Variants in STK39 observed in about 807,000 individuals in gnomAD.
STK39 encodes serine/threonine kinase 39.
In STK39, 20 loss-of-function variants were observed where a neutral mutation model predicts 77.8. The observed-to-expected ratio is 0.26, with a 90% CI of 0.18 to 0.37. The LOEUF (loss-of-function observed/expected upper bound fraction) is 0.37. Among genes scored for constraint, STK39 ranks in the 10% least tolerant of loss-of-function variants. STK39 has a pLI of 1.00. For synonymous variants in STK39, 246 were observed against 234.1 expected (o/e 1.05, Z -0.47); for missense variants, 479 against 656.5 (o/e 0.73, Z 2.95).
chr2:168,118,225 T>C (rs1687308188), intron 10 of STK39, among the ~76,000 whole-genome samples: 1 of 152,078 alleles, frequency 6.6e-6, no homozygotes, highest in Admixed American at 6.6e-5. Flanking sequence ...AGCTAGCTCA[T>C]GCACGCAAGC....
At chr2:168,231,007 C>T (rs1690440573) in intron 1 of STK39, among the ~76,000 whole-genome samples, 1 of 152,196 alleles carries the variant, frequency 6.6e-6, no homozygotes, top group Non-Finnish European at 1.5e-5. Flanking sequence ...TCTCAGCTAC[C>T]ATCAGCTTTT....
rs189108422 is a variant in STK39 at position 167,964,793 on chromosome 2, A to G, written c.1499-67T>C. ...CCAATAACAGTGGATTTTCACATCAATGACTCAGAAAATTTGACTAATGAT... is the reference window on the plus strand; with the variant it reads ...CCAATAACAGTGGATTTTCACATCAGTGACTCAGAAAATTTGACTAATGAT... On this transcript the variant is annotated intron_variant, in intron 16 of 17. Transcript: ENST00000355999. The G allele has an allele frequency of 8.5e-5, 116 of 1,370,110 alleles. No homozygotes were observed. In the Admixed American group the frequency reaches 1.3e-3, roughly 15 times the overall value. 84.9% of individuals were successfully genotyped at this position (1,370,110 alleles called of 1,614,324 possible). A position where few individuals can be genotyped will look rare whatever the true frequency, so the allele number is the denominator to read the frequency against.
chr2:168,026,363 T>C (rs1402185793), intron 14 of STK39, among the ~76,000 whole-genome samples: 1 of 152,210 alleles, frequency 6.6e-6, no homozygotes, highest in African/African-American at 2.4e-5. Flanking sequence ...CAGAATCATA[T>C]AATTTTACAA....
At chr2:168,206,449 C>T (rs575637357) in intron 1 of STK39, among the ~76,000 whole-genome samples, 5 of 152,128 alleles carry the variant, frequency 3.3e-5, no homozygotes, top group South Asian at 2.1e-4. Flanking sequence ...TACAAGCGTC[C>T]GCCACCACAC....
chr2:168,247,346 G>GA lies in STK39; in HGVS notation c.89_90insT (p.Ala31ArgfsTer75). ...CTGCCGGGGCCGGCGCTGCTGTCGCGGCCGCCGGGGCCGCCGCCGCCGCCG... is the reference window on the plus strand; with the variant it reads ...CTGCCGGGGCCGGCGCTGCTGTCGCGAGCCGCCGGGGCCGCCGCCGCCGCCG... On this transcript the variant is annotated frameshift_variant, in exon 1 of 18. Coordinates refer to ENST00000355999, the MANE Select transcript of STK39 (RefSeq NM_013233.3). LOFTEE classifies it high-confidence loss of function. The GA allele has an allele frequency of 9.6e-7, 1 of 1,043,290 alleles. No individual in the cohort carries two copies. Among genetic ancestry groups the GA allele is most frequent in the Non-Finnish European group, 1.2e-6 (1 of 865,598 alleles). 64.6% of individuals were successfully genotyped at this position (1,043,290 alleles called of 1,614,324 possible).
chr2:168,034,731 T>C (rs1369477526), intron 14 of STK39, among the ~76,000 whole-genome samples: 1 of 152,214 alleles, frequency 6.6e-6, no homozygotes, highest in Non-Finnish European at 1.5e-5. Flanking sequence ...TGGCAACCAG[T>C]GACAGCACAG....
chr2:168,195,375 G>A (rs770054800), intron 1 of STK39, among the ~76,000 whole-genome samples: 17 of 152,152 alleles, frequency 1.1e-4, no homozygotes, highest in Non-Finnish European at 2.4e-4. Context: ...ACTCCAGCCT[G>A]GGCAACAGAG....
intron 14 of STK39, among the ~76,000 whole-genome samples, chr2:168,033,064 C>T (rs1233532752): frequency 6.6e-6 from 1 of 152,142 alleles, no homozygotes; most frequent in Non-Finnish European, 1.5e-5. Context: ...GAACCTGGCA[C>T]AGGTCTGCCA....
chr2:168,034,270 C>A (rs78750962), intron 14 of STK39, among the ~76,000 whole-genome samples: 5,114 of 152,216 alleles, frequency 0.034, 215 homozygotes, highest in East Asian at 0.2. Context: ...ATTGACTTAC[C>A]TTGATAATTG....
At chr2:168,079,010 C>T (rs2105411371) in intron 10 of STK39, among the ~76,000 whole-genome samples, 1 of 152,258 alleles carries the variant, frequency 6.6e-6, no homozygotes, top group South Asian at 2.1e-4. Context: ...ATTCCTGTTA[C>T]CAGGCATACT....
chr2:168,029,624 T>C (rs1684783719), intron 14 of STK39, among the ~76,000 whole-genome samples: 2 of 152,098 alleles, frequency 1.3e-5, no homozygotes, highest in African/African-American at 4.8e-5. Context: ...CCTGGAGAAA[T>C]GGATCGCCTA....
intron 14 of STK39, among the ~76,000 whole-genome samples, chr2:168,018,538 A>AAAAGAAAGAAAGAAAGAAAGAAAGAAAG (rs60121657): frequency 1.1e-4 from 9 of 85,486 alleles, no homozygotes; most frequent in Non-Finnish European, 1.6e-4. Flanking sequence ...GAAAAGAAAG[A>AAAAGAAAGAAAGAAAGAAAGAAAGAAAG]AAAGAAAGAA....
chr2:168,068,385 C>T (rs968679200), intron 12 of STK39, among the ~76,000 whole-genome samples: 4 of 152,156 alleles, frequency 2.6e-5, no homozygotes, highest in African/African-American at 4.8e-5. Flanking sequence ...TTCCTGTTTT[C>T]GCAAATATTA....
chr2:168,180,076 G>A (rs1158162958), intron 2 of STK39, among the ~76,000 whole-genome samples: 1 of 152,178 alleles, frequency 6.6e-6, no homozygotes, highest in African/African-American at 2.4e-5. Context: ...GCCAGGTGCG[G>A]TGGCTCACAT....
At chr2:167,984,037 G>A (rs769907141) in intron 16 of STK39, among the ~76,000 whole-genome samples, 5 of 152,268 alleles carry the variant, frequency 3.3e-5, no homozygotes, top group Admixed American at 6.5e-5. Flanking sequence ...GTGAGTGGTT[G>A]CATAGGAGGA....
At chr2:168,163,077 T>G (rs1688615970) in intron 4 of STK39, among the ~76,000 whole-genome samples, 1 of 151,966 alleles carries the variant, frequency 6.6e-6, no homozygotes, top group Admixed American at 6.6e-5. Flanking sequence ...AATATAAATT[T>G]CAGGGTAGGA....
intron 14 of STK39, among the ~76,000 whole-genome samples, chr2:168,038,231 C>T (rs1685009300): frequency 6.6e-6 from 1 of 151,980 alleles, no homozygotes; most frequent in African/African-American, 2.4e-5. Context: ...TAGGAGACTA[C>T]CTCTGAGTTT....
chr2:168,013,387 G>C (rs912326620), intron 15 of STK39, among the ~76,000 whole-genome samples: 4 of 152,152 alleles, frequency 2.6e-5, no homozygotes, highest in African/African-American at 9.7e-5. Flanking sequence ...TTAATTGAAA[G>C]GTTACGAATG....
intron 1 of STK39, among the ~76,000 whole-genome samples, chr2:168,235,015 A>C: frequency 6.6e-6 from 1 of 150,442 alleles, no homozygotes; most frequent in South Asian, 2.1e-4. Context: ...TTTTAGTAGT[A>C]CCTTAAAATT....
Sources: gnomAD v4.1 joint callset for allele counts (sites outside exome capture counted in the v4.1 genomes callset) on GRCh38, gnomAD v4.1.1 for gene constraint, MANE v1.5 for transcripts, NCBI Gene and HGNC (gene_info 2026-07-23, HGNC 2026-07-21) for gene names.